CAMTA1: variants seen among roughly 807,000 people sequenced by gnomAD.
CAMTA1 encodes calmodulin binding transcription activator 1.
A neutral mutation model predicts 170.9 loss-of-function variants in CAMTA1; 27 were observed. The ratio of observed to expected loss-of-function variants is 0.16; its 90% confidence interval spans 0.12 to 0.22. The LOEUF (loss-of-function observed/expected upper bound fraction) is 0.22, where lower values mean the gene tolerates loss of function less well. Ranked by LOEUF, CAMTA1 falls within the 10% of genes least tolerant of loss-of-function variation. The pLI, the probability that CAMTA1 is intolerant of heterozygous loss-of-function variation, is 1.00. For synonymous variants in CAMTA1, 833 were observed against 891.5 expected (o/e 0.93, Z 1.17); for missense variants, 1,619 against 2,217.2 (o/e 0.73, Z 5.42).
intron 3 of CAMTA1, among the ~76,000 whole-genome samples, chr1:6,949,485 G>T (rs1453120849): frequency 6.6e-6 from 1 of 152,202 alleles, no homozygotes; most frequent in Non-Finnish European, 1.5e-5. Flanking sequence ...CACTCCAAGA[G>T]CCAATATTTT....
Position 6,867,179 on chromosome 1 carries a change from T to A in CAMTA1, c.234+41969T>A, listed in dbSNP as rs558486518. On this transcript the variant is annotated intron_variant, in intron 3 of 22. Coordinates refer to ENST00000303635, the MANE Select transcript of CAMTA1 (RefSeq NM_015215.4). ...ACTATGATAATGAGCATGTTATCAC[T>A]CTCCAAAGTTTCCTGGTGCCTTTTG... Among the ~76,000 whole-genome samples, 5 of 152,298 alleles carry A rather than the reference T, an allele frequency of 3.3e-5. No individual in the cohort carries two copies. In the South Asian group the frequency reaches 1.0e-3, roughly 32 times the overall value.
At chr1:7,558,490 C>A (rs539948199) in intron 6 of CAMTA1, among the ~76,000 whole-genome samples, 1 of 152,250 alleles carries the variant, frequency 6.6e-6, no homozygotes, top group Non-Finnish European at 1.5e-5. Context: ...AGGAACTCGG[C>A]TCCCTTCTCC....
At chr1:7,025,582 C>T (rs6681726) in intron 3 of CAMTA1, among the ~76,000 whole-genome samples, 3,128 of 152,158 alleles carry the variant, frequency 0.021, 93 homozygotes, top group African/African-American at 0.071. Flanking sequence ...GGCCAGATGC[C>T]GGGGAGAGAA....
In CAMTA1 at chr1:7,580,708, T is replaced by C. The variant is rs1323180436; in HGVS notation, c.511-59692T>C. On this transcript the variant is annotated intron_variant, in intron 6 of 22. Transcript: ENST00000303635. The surrounding 1 kb of genome is among the most constrained non-coding windows in gnomAD (Gnocchi z 4.3). Reference sequence around the variant, plus strand: ...GCCCAGCACTGTGCAAAATCCCTCCTGTGCTGGTCTTCCTGGATGGGCTGC... The same window carrying C: ...GCCCAGCACTGTGCAAAATCCCTCCCGTGCTGGTCTTCCTGGATGGGCTGC... Among the ~76,000 whole-genome samples the C allele has an allele frequency of 6.6e-6, 1 of 152,140 alleles. No individual in the cohort carries two copies. Among genetic ancestry groups the C allele is most frequent in the East Asian group, 1.9e-4 (1 of 5,166 alleles).
At chr1:7,034,288 C>T (rs1218476732) in intron 3 of CAMTA1, among the ~76,000 whole-genome samples, 2 of 152,154 alleles carry the variant, frequency 1.3e-5, no homozygotes, top group Non-Finnish European at 2.9e-5. Flanking sequence ...TCCCAAGTAG[C>T]TGGGATTACA....
At chr1:7,329,253 A>T (rs2082877189) in intron 5 of CAMTA1, among the ~76,000 whole-genome samples, 1 of 152,224 alleles carries the variant, frequency 6.6e-6, no homozygotes, top group African/African-American at 2.4e-5. Flanking sequence ...GAGTTACAAA[A>T]TTTCTTTCCC....
intron 6 of CAMTA1, among the ~76,000 whole-genome samples, chr1:7,628,323 T>A (rs1237271163): frequency 6.6e-6 from 1 of 152,220 alleles, no homozygotes; most frequent in Non-Finnish European, 1.5e-5. Flanking sequence ...GGTGGAGCCA[T>A]GGGTCTCTCT....
chr1:6,938,595 C>G lies in CAMTA1; in HGVS notation c.234+113385C>G, dbSNP rs533819656. Among the ~76,000 whole-genome samples, 9 of 152,218 alleles carry G rather than the reference C, an allele frequency of 5.9e-5. No individual in the cohort carries two copies. The South Asian group carries it at 6.2e-4, about 10-fold the overall frequency. On this transcript the variant is annotated intron_variant, in intron 3 of 22. Coordinates refer to ENST00000303635, the MANE Select transcript of CAMTA1 (RefSeq NM_015215.4). ...TATGTGAGCAGCAGCATGGCCTGTTCTGCTGTGTGTTTGTCCTGCTGGGTT... is the reference window on the plus strand; with the variant it reads ...TATGTGAGCAGCAGCATGGCCTGTTGTGCTGTGTGTTTGTCCTGCTGGGTT...
intron 1 of CAMTA1, among the ~76,000 whole-genome samples, chr1:6,786,130 C>T (rs928181124): frequency 2.6e-5 from 4 of 151,980 alleles, no homozygotes; most frequent in Non-Finnish European, 5.9e-5. Flanking sequence ...CTCTCCGGCA[C>T]CCTCTTCAGC....
chr1:7,660,906 G>A (rs77542387), intron 7 of CAMTA1, among the ~76,000 whole-genome samples: 11,988 of 152,300 alleles, frequency 0.079, 615 homozygotes, highest in Middle Eastern at 0.12. Flanking sequence ...AGGACTTAGC[G>A]ACCCCTTGGC....
chr1:7,262,152 C>T (rs141004866), intron 5 of CAMTA1, among the ~76,000 whole-genome samples: 332 of 152,272 alleles, frequency 2.2e-3, no homozygotes, highest in South Asian at 3.9e-3. Context: ...CTGAACTGCT[C>T]GGCAATTATT....
At chr1:7,430,444 T>C (rs1307675170) in intron 5 of CAMTA1, among the ~76,000 whole-genome samples, 1 of 151,862 alleles carries the variant, frequency 6.6e-6, no homozygotes, top group African/African-American at 2.4e-5. Flanking sequence ...GTGACAGTGA[T>C]AATAACGATG....
chr1:7,400,107 G>A (rs773707538), intron 5 of CAMTA1, among the ~76,000 whole-genome samples: 8 of 152,212 alleles, frequency 5.3e-5, no homozygotes, highest in South Asian at 2.1e-4. Context: ...ACCTCATAAT[G>A]AAGATATTTG....
chr1:7,335,165 G>GTGTGTGTGTGT, intron 5 of CAMTA1, among the ~76,000 whole-genome samples: 1 of 33,220 alleles, frequency 3.0e-5, no homozygotes, highest in African/African-American at 2.1e-4. Context: ...GGGTGGGGGT[G>GTGTGTGTGTGT]GGGGGTGTCA....
chr1:7,632,721 C>A (rs2095679865), intron 6 of CAMTA1, among the ~76,000 whole-genome samples: 1 of 152,226 alleles, frequency 6.6e-6, no homozygotes, highest in African/African-American at 2.4e-5. Context: ...AGGATCCACC[C>A]CTGGAAGCGG....
chr1:6,899,780 CGTG>C (rs1557788533), intron 3 of CAMTA1, among the ~76,000 whole-genome samples: 1 of 152,174 alleles, frequency 6.6e-6, no homozygotes, highest in Non-Finnish European at 1.5e-5. Context: ...AAGAAAATCA[CGTG>C]GTGGCAGCAA....
At chr1:6,909,546 G>A (rs1280107982) in intron 3 of CAMTA1, among the ~76,000 whole-genome samples, 1 of 152,224 alleles carries the variant, frequency 6.6e-6, no homozygotes, top group East Asian at 1.9e-4. Flanking sequence ...GGCAGACACA[G>A]CAGGCGGTAG....
rs1205989998 is a variant in CAMTA1 at position 7,050,976 on chromosome 1, G to A, written c.235-40328G>A. On this transcript the variant is annotated intron_variant, in intron 3 of 22. Transcript: ENST00000303635. This position sits in a 1 kb window ranked among gnomAD's most constrained non-coding sequence, Gnocchi z 4.8. ...CAGGCACAGGGAGAATGACTGTGCT[G>A]CCTCTTTCCGGGGTGTAATTTGAGT... is the stretch of plus-strand genomic sequence containing the variant. Among the ~76,000 whole-genome samples the A allele has an allele frequency of 6.6e-6, 1 of 152,196 alleles. No individual in the cohort carries two copies. Among genetic ancestry groups the A allele is most frequent in the East Asian group, 1.9e-4 (1 of 5,194 alleles).
chr1:6,956,999 C>T (rs185184848), intron 3 of CAMTA1, among the ~76,000 whole-genome samples: 7 of 152,252 alleles, frequency 4.6e-5, no homozygotes, highest in East Asian at 1.9e-4. Flanking sequence ...AGCTGGGCTG[C>T]GAGGCCTGCC....
Sources: allele counts gnomAD v4.1 joint callset (sites outside exome capture counted in the v4.1 genomes callset), GRCh38; gene constraint gnomAD v4.1.1; non-coding constraint Gnocchi (gnomAD v3.1); transcripts MANE v1.5; gene names NCBI Gene and HGNC (gene_info 2026-07-23, HGNC 2026-07-21).